The following ABCC8 variants were observed in gnomAD, a reference collection of about 807,000 sequenced individuals.
ABCC8 encodes the protein ATP binding cassette subfamily C member 8.
ABCC8 carries 137 observed loss-of-function variants against 188.0 expected under a neutral mutation model. The ratio of observed to expected loss-of-function variants is 0.73; its 90% confidence interval spans 0.63 to 0.84. The LOEUF is 0.84. Among genes scored for constraint, ABCC8 ranks in the 40% least tolerant of loss-of-function variants. The probability of loss-of-function intolerance (pLI) is 0.00; values close to 1 mark genes in which losing one functional copy is unlikely to be tolerated. For synonymous variants in ABCC8, 797 were observed against 846.5 expected (o/e 0.94, Z 1.01); for missense variants, 1,750 against 2,072.7 (o/e 0.84, Z 3.02).
At chr11:17,435,217 A>T (rs1409188886) in intron 10 of ABCC8, among the ~76,000 whole-genome samples, 3 of 152,092 alleles carry the variant, frequency 2.0e-5, no homozygotes, top group Non-Finnish European at 4.4e-5. Flanking sequence ...CGTAGGTGTT[A>T]ATGGCCTGGG....
intron 3 of ABCC8, 122 bp from the exon 4 acceptor site, chr11:17,463,726 C>G (rs1847975406): frequency 1.5e-6 from 2 of 1,299,776 alleles, no homozygotes; most frequent in Non-Finnish European, 1.1e-6. Flanking sequence ...GTGTACATTT[C>G]CGAGTAAGTG....
chr11:17,421,947 C>G (rs1319675109), intron 16 of ABCC8, among the ~76,000 whole-genome samples: 1 of 152,250 alleles, frequency 6.6e-6, no homozygotes, highest in Non-Finnish European at 1.5e-5. Context: ...CAGGTCTTGG[C>G]CTGGGTATGG....
chr11:17,459,188 T>C (rs1172930039), intron 6 of ABCC8, among the ~76,000 whole-genome samples: 1 of 152,220 alleles, frequency 6.6e-6, no homozygotes, highest in Admixed American at 6.5e-5. Context: ...GTACAGTATT[T>C]GAGGTATACC....
At chr11:17,417,203 G>A (rs917872883) in intron 16 of ABCC8, among the ~76,000 whole-genome samples, 1 of 152,152 alleles carries the variant, frequency 6.6e-6, no homozygotes, top group African/African-American at 2.4e-5. Context: ...GCATTGACTC[G>A]GAGCAGCGGT....
At chr11:17,405,688 C>A in intron 26 of ABCC8, 125 bp from the exon 27 acceptor site, 1 of 1,549,672 alleles carries the variant, frequency 6.5e-7, no homozygotes, top group South Asian at 1.2e-5. Flanking sequence ...GCATCCTCTG[C>A]CAATTTGTAG....
At chr11:17,474,832 C>A in intron 2 of ABCC8, 54 bp downstream of exon 2, 1 of 1,592,624 alleles carries the variant, frequency 6.3e-7, no homozygotes, top group East Asian at 2.2e-5. Context: ...TTGGGCCTTT[C>A]AGGAAGTACC....
At chr11:17,432,485 C>T (rs991069320) in intron 10 of ABCC8, 16 of 763,890 alleles carry the variant, frequency 2.1e-5, no homozygotes, top group South Asian at 6.8e-5. Flanking sequence ...TAAGTCACTC[C>T]GTGTGGACAG....
Position 17,427,811 on chromosome 11 carries a change from A to G in ABCC8, c.2116+56T>C, listed in dbSNP as rs1312794099. 5 of 1,601,802 alleles carry G rather than the reference A, an allele frequency of 3.1e-6. No homozygotes were observed. Among genetic ancestry groups the G allele is most frequent in the African/African-American group, 1.3e-5 (1 of 74,638 alleles). ...AATGCAGCTTTGTCTTTTTATCTCT[A>G]TGTTATTCAGTGGGACATGGGGAGG... On this transcript the variant is annotated intron_variant, in intron 15 of 38. Coordinates refer to ENST00000389817, the MANE Select transcript of ABCC8 (RefSeq NM_000352.6). This position sits in a 1 kb window ranked among gnomAD's most constrained non-coding sequence, Gnocchi z 5.0.
intron 16 of ABCC8, among the ~76,000 whole-genome samples, chr11:17,420,888 A>G (rs748497496): frequency 6.6e-6 from 1 of 152,218 alleles, no homozygotes; most frequent in Non-Finnish European, 1.5e-5. Context: ...AGGATTAAAG[A>G]GAGAGTTTGC....
intron 7 of ABCC8, among the ~76,000 whole-genome samples, chr11:17,450,244 TTTTC>T (rs1321604473): frequency 2.9e-5 from 2 of 68,052 alleles, no homozygotes; most frequent in East Asian, 2.4e-4. Flanking sequence ...TTTCTTTTCT[TTTTC>T]TTTCTTTCTT....
chr11:17,393,966 G>C, intron 37 of ABCC8: 1 of 633,572 alleles, frequency 1.6e-6, no homozygotes, highest in Non-Finnish European at 2.0e-6. Flanking sequence ...TGTGTATGTA[G>C]GTTGTGGTTG....
rs1383710412 is a variant in ABCC8 at position 17,410,505 on chromosome 11, T to A, written c.2694+11A>T. 3.1e-6 allele frequency: 5 copies of A among 1,613,860 alleles called. No individual in the cohort carries two copies. Among genetic ancestry groups the A allele is most frequent in the South Asian group, 2.2e-5 (2 of 91,086 alleles). On this transcript the variant is annotated intron_variant, in intron 22 of 38. Coordinates refer to ENST00000389817, the MANE Select transcript of ABCC8 (RefSeq NM_000352.6). ...TGCCCCCTATAGCCTGACCCCCTTG[T>A]TCCCCCTCACCCAGTCTGCATGGGG...
At chr11:17,453,779 A>T (rs1054061035) in intron 6 of ABCC8, among the ~76,000 whole-genome samples, 1 of 152,198 alleles carries the variant, frequency 6.6e-6, no homozygotes, top group Non-Finnish European at 1.5e-5. Context: ...TAGAGCTCTC[A>T]GGAGAGAATG....
intron 24 of ABCC8, 54 bp from the exon 25 acceptor site, chr11:17,407,183 T>G (rs909909502): frequency 2.6e-5 from 42 of 1,598,670 alleles, no homozygotes; most frequent in East Asian, 1.4e-4. Flanking sequence ...CCTCTGAGGG[T>G]GAATCAGGGC....
intron 10 of ABCC8, among the ~76,000 whole-genome samples, chr11:17,435,413 T>C (rs1455809044): frequency 1.3e-5 from 2 of 152,136 alleles, no homozygotes; most frequent in Non-Finnish European, 2.9e-5. Flanking sequence ...GAATAACCAC[T>C]TCTAGGCCCA....
intron 16 of ABCC8, among the ~76,000 whole-genome samples, chr11:17,420,104 T>G (rs965773272): frequency 6.6e-6 from 1 of 151,898 alleles, no homozygotes; most frequent in Non-Finnish European, 1.5e-5. Context: ...ACCCCGGCAA[T>G]AAATAAAAAG....
intron 6 of ABCC8, among the ~76,000 whole-genome samples, chr11:17,458,706 G>T (rs1175725124): frequency 6.6e-6 from 1 of 152,190 alleles, no homozygotes; most frequent in African/African-American, 2.4e-5. Context: ...GGCTTCAAAA[G>T]CCATCAAAGT....
chr11:17,445,973 T>TC (rs1956512221), intron 8 of ABCC8, among the ~76,000 whole-genome samples: 1 of 151,202 alleles, frequency 6.6e-6, no homozygotes, highest in Non-Finnish European at 1.5e-5. Context: ...TTTCTTTTTT[T>TC]TTTTTTTTTT....
intron 2 of ABCC8, among the ~76,000 whole-genome samples, chr11:17,472,546 G>T (rs1192785022): frequency 6.6e-6 from 1 of 152,166 alleles, no homozygotes. Context: ...ACCCAGGCTG[G>T]ATTAGACTGG....
Sources: allele counts gnomAD v4.1 joint callset (sites outside exome capture counted in the v4.1 genomes callset), GRCh38; gene constraint gnomAD v4.1.1; non-coding constraint Gnocchi (gnomAD v3.1); transcripts MANE v1.5; gene names NCBI Gene and HGNC (gene_info 2026-07-23, HGNC 2026-07-21).